Variants in STXBP6 observed in about 807,000 individuals in gnomAD.
STXBP6 encodes the protein syntaxin-binding protein 6.
In STXBP6, 21 loss-of-function variants were observed where a neutral mutation model predicts 26.9. The ratio of observed to expected loss-of-function variants is 0.78; its 90% CI spans 0.55 to 1.12. STXBP6 has a LOEUF of 1.12. Ranked by LOEUF, STXBP6 falls within the 50% of genes most tolerant of loss-of-function variation. The pLI is 0.00. For missense variants in STXBP6, 232 were observed against 257.9 expected (o/e 0.90, Z 0.69); for synonymous variants, 97 against 92.6 (o/e 1.05, Z -0.27).
intron 2 of STXBP6, among the ~76,000 whole-genome samples, chr14:24,949,526 C>T (rs138105093): frequency 6.6e-6 from 1 of 152,234 alleles, no homozygotes; most frequent in East Asian, 1.9e-4. Flanking sequence ...GCTCCATTTT[C>T]CTCACAGTGA....
rs879861417 is a variant in STXBP6 at position 24,883,253 on chromosome 14, G to GT, written c.155-26097dup. Among the ~76,000 whole-genome samples, 44 of 151,870 alleles carry GT rather than the reference G, an allele frequency of 2.9e-4. No homozygotes were observed. In the East Asian group the frequency reaches 5.2e-3, roughly 18 times the overall value. ...AGTATAGAAATACTGCTAAAAGCAT[G>GT]TTTTTTTTTAAAAAATACACTCTTT... is the stretch of plus-strand genomic sequence containing the variant. On this transcript the variant is annotated intron_variant, in intron 2 of 5. Transcript: ENST00000323944.
chr14:25,010,201 G>T (rs565616563), intron 1 of STXBP6, among the ~76,000 whole-genome samples: 3 of 152,288 alleles, frequency 2.0e-5, no homozygotes, highest in African/African-American at 7.2e-5. Context: ...ACTTTATGAT[G>T]GTTATGCTCA....
chr14:24,816,525 G>A (rs1306207393), intron 5 of STXBP6: 1 of 151,992 alleles, frequency 6.6e-6, no homozygotes, highest in Non-Finnish European at 1.5e-5. Flanking sequence ...CACATTAACA[G>A]ACACTAGTAA....
chr14:25,041,159 A>G (rs1198729837), intron 1 of STXBP6, among the ~76,000 whole-genome samples: 2 of 151,994 alleles, frequency 1.3e-5, no homozygotes, highest in African/African-American at 4.8e-5. Context: ...AGTCTCTACT[A>G]AAAATACAAA....
chr14:24,933,256 C>G (rs566912216), intron 2 of STXBP6, among the ~76,000 whole-genome samples: 7 of 152,252 alleles, frequency 4.6e-5, no homozygotes, highest in Middle Eastern at 3.4e-3. Context: ...GTGGGAGGAT[C>G]CCCTGAGCAA....
intron 2 of STXBP6, among the ~76,000 whole-genome samples, chr14:24,928,187 T>G (rs552481929): frequency 6.6e-6 from 1 of 152,220 alleles, no homozygotes; most frequent in Non-Finnish European, 1.5e-5. Context: ...CAAATGCACA[T>G]CATTAACAAC....
intron 1 of STXBP6, among the ~76,000 whole-genome samples, chr14:24,984,396 C>T (rs893998987): frequency 6.6e-6 from 1 of 152,192 alleles, no homozygotes; most frequent in Non-Finnish European, 1.5e-5. Flanking sequence ...AACATGACGT[C>T]TTCACAGCAG....
chr14:24,966,865 C>A (rs775413811), intron 2 of STXBP6, among the ~76,000 whole-genome samples: 3 of 152,180 alleles, frequency 2.0e-5, no homozygotes, highest in Admixed American at 6.5e-5. Flanking sequence ...TTTCTTAACA[C>A]CCCAGTTGTT....
chr14:24,997,875 T>TATA (rs2074646498), intron 1 of STXBP6, among the ~76,000 whole-genome samples: 1 of 152,134 alleles, frequency 6.6e-6, no homozygotes, highest in Admixed American at 6.5e-5. Flanking sequence ...AGCTTGTGTG[T>TATA]ATATAAAAAG....
At chr14:25,017,399 T>C (rs747039439) in intron 1 of STXBP6, among the ~76,000 whole-genome samples, 1 of 152,218 alleles carries the variant, frequency 6.6e-6, no homozygotes, top group Non-Finnish European at 1.5e-5. Flanking sequence ...AGGGAAATGC[T>C]GTATTCAGAA....
intron 2 of STXBP6, among the ~76,000 whole-genome samples, chr14:24,892,589 A>AC (rs1007857463): frequency 2.0e-5 from 3 of 151,440 alleles, no homozygotes; most frequent in Non-Finnish European, 4.4e-5. Context: ...GAGGGCAGGG[A>AC]CCCCCCGCCC....
intron 4 of STXBP6, among the ~76,000 whole-genome samples, chr14:24,826,111 TTTACTC>T (rs1256232802): frequency 1.3e-5 from 2 of 152,176 alleles, no homozygotes; most frequent in Non-Finnish European, 2.9e-5. Context: ...GCTAGGGACT[TTTACTC>T]TAACACTCTA....
intron 2 of STXBP6, among the ~76,000 whole-genome samples, chr14:24,889,634 T>C (rs1275182549): frequency 6.6e-6 from 1 of 151,914 alleles, no homozygotes; most frequent in East Asian, 1.9e-4. Flanking sequence ...ATATTATATG[T>C]ATGTGTGTGT....
intron 2 of STXBP6, among the ~76,000 whole-genome samples, chr14:24,962,479 G>A (rs973040651): frequency 2.6e-5 from 4 of 151,706 alleles, no homozygotes; most frequent in African/African-American, 4.8e-5. Flanking sequence ...ACAGGCACAC[G>A]CCACTACACC....
intron 1 of STXBP6, among the ~76,000 whole-genome samples, chr14:25,034,649 C>T (rs1470989856): frequency 6.6e-6 from 1 of 152,110 alleles, no homozygotes; most frequent in African/African-American, 2.4e-5. Context: ...TTCTCTGAGC[C>T]TTGGTTTCTG....
In STXBP6 at chr14:24,851,671, CAG is replaced by C. The variant is rs149012302; in HGVS notation, c.451+4263_451+4264del. Among the ~76,000 whole-genome samples the C allele has an allele frequency of 5.1e-3, 781 of 152,132 alleles. 5 individuals carry two copies. Among genetic ancestry groups the C allele is most frequent in the African/African-American group, 0.018 (748 of 41,522 alleles). ...ACATCATTTCTGTTTACAATAAACA[CAG>C]AGAAAATAAAAGCCACCATTTCAGA... is the stretch of plus-strand genomic sequence containing the variant. On this transcript the variant is annotated intron_variant, in intron 4 of 5. Coordinates refer to ENST00000323944, the MANE Select transcript of STXBP6 (RefSeq NM_001394410.1).
At chr14:24,870,253 C>T (rs894125039) in intron 2 of STXBP6, among the ~76,000 whole-genome samples, 6 of 152,200 alleles carry the variant, frequency 3.9e-5, no homozygotes, top group African/African-American at 1.4e-4. Context: ...CTGTACTTAA[C>T]GAGGGGCCAA....
chr14:24,942,918 G>A (rs1342068294), intron 2 of STXBP6, among the ~76,000 whole-genome samples: 1 of 152,178 alleles, frequency 6.6e-6, no homozygotes, highest in Non-Finnish European at 1.5e-5. Flanking sequence ...AACAAAAGGG[G>A]TCACAGAAAA....
At chr14:24,968,431 T>G (rs1215193278) in intron 2 of STXBP6, among the ~76,000 whole-genome samples, 1 of 152,000 alleles carries the variant, frequency 6.6e-6, no homozygotes, top group African/African-American at 2.4e-5. Flanking sequence ...ACAATTTCTT[T>G]CTACTTTCTA....
Sources: gnomAD v4.1 joint callset for allele counts (sites outside exome capture counted in the v4.1 genomes callset) on GRCh38, gnomAD v4.1.1 for gene constraint, MANE v1.5 for transcripts, NCBI Gene and HGNC (gene_info 2026-07-23, HGNC 2026-07-21) for gene names.